IQCM: variants seen among roughly 807,000 people sequenced by gnomAD.
IQCM encodes IQ domain-containing protein M.
Under a neutral mutation model 57.6 loss-of-function variants are expected in IQCM, and 45 were observed. That is an observed-to-expected ratio of 0.78 (90% CI 0.62 to 1.00). The LOEUF (loss-of-function observed/expected upper bound fraction) is 1.00. Ranked by LOEUF, IQCM falls within the 50% of genes least tolerant of loss-of-function variation. The pLI is 0.00. For missense variants in IQCM, 468 were observed against 511.6 expected (o/e 0.91, Z 0.82); for synonymous variants, 148 against 158.9 (o/e 0.93, Z 0.51).
In IQCM at chr4:149,509,138, A is replaced by G. The variant is rs565961143; in HGVS notation, c.1228+39317T>C. On this transcript the variant is annotated intron_variant, in intron 12 of 13. Transcript: ENST00000636793. ...TTATCAGCAGAGTGAAAACAGACTAATATACCAGCCTTCCCTTCATCATCC... is the reference window on the plus strand; with the variant it reads ...TTATCAGCAGAGTGAAAACAGACTAGTATACCAGCCTTCCCTTCATCATCC... 6.6e-5 allele frequency among the ~76,000 whole-genome samples: 10 copies of G among 152,298 alleles called. No homozygotes were observed. The South Asian group carries it at 2.1e-3, about 32-fold the overall frequency.
intron 5 of IQCM, among the ~76,000 whole-genome samples, chr4:149,700,003 T>C (rs1225544330): frequency 6.6e-6 from 1 of 151,958 alleles, no homozygotes; most frequent in East Asian, 1.9e-4. Flanking sequence ...AATCCAGTGT[T>C]CCTTTTTTGT....
chr4:149,490,784 T>A lies in IQCM; in HGVS notation c.1229-57227A>T, dbSNP rs866900647. On this transcript the variant is annotated intron_variant, in intron 12 of 13. Transcript: ENST00000636793. ...GAAAATTTCATTCTTTAACAAAATATTACCTACTTCTAATAATGCATATGA... is the reference window on the plus strand; with the variant it reads ...GAAAATTTCATTCTTTAACAAAATAATACCTACTTCTAATAATGCATATGA... 4.6e-5 allele frequency among the ~76,000 whole-genome samples: 7 copies of A among 152,174 alleles called. No individual in the cohort carries two copies. The South Asian group carries it at 1.5e-3, about 32-fold the overall frequency.
chr4:149,646,390 G>C (rs1758640751), intron 7 of IQCM, among the ~76,000 whole-genome samples: 1 of 150,886 alleles, frequency 6.6e-6, no homozygotes, highest in Non-Finnish European at 1.5e-5. Context: ...AAGTCAGTTG[G>C]GTACAGCATA....
At chr4:149,662,573 T>C (rs1419786715) in intron 7 of IQCM, among the ~76,000 whole-genome samples, 3 of 152,038 alleles carry the variant, frequency 2.0e-5, no homozygotes, top group East Asian at 1.9e-4. Context: ...ATAATATTTA[T>C]ATATTTAGGA....
chr4:149,383,207 T>C (rs910133715), intron 13 of IQCM, among the ~76,000 whole-genome samples: 2 of 152,196 alleles, frequency 1.3e-5, no homozygotes, highest in African/African-American at 4.8e-5. Context: ...CATTGCCATA[T>C]GTAGACACTT....
Position 149,368,753 on chromosome 4 carries a change from CAT to C in IQCM, c.1391-16689_1391-16688del, listed in dbSNP as rs1491335392. Reference sequence around the variant, plus strand: ...GTGAAAGGCACAAATTATATATATACATGTATATATATATATACATATATATA... The same window carrying C: ...GTGAAAGGCACAAATTATATATATACGTATATATATATATACATATATATA... On this transcript the variant is annotated intron_variant, in intron 13 of 13. Transcript: ENST00000636793. Among the ~76,000 whole-genome samples the C allele has an allele frequency of 9.2e-5, 9 of 98,246 alleles. 1 individual carries two copies. The East Asian group carries it at 9.5e-4, about 10-fold the overall frequency. The allele number at this position is 98,246 out of a possible 152,430, so 64.5% of individuals were successfully genotyped here.
At chr4:149,473,055 A>C (rs1425170831) in intron 12 of IQCM, among the ~76,000 whole-genome samples, 1 of 152,244 alleles carries the variant, frequency 6.6e-6, no homozygotes, top group Non-Finnish European at 1.5e-5. Flanking sequence ...TTCAGCACAT[A>C]GGCATGGGCA....
At chr4:149,778,324 G>A (rs1197621107) in intron 2 of IQCM, among the ~76,000 whole-genome samples, 2 of 151,864 alleles carry the variant, frequency 1.3e-5, no homozygotes, top group African/African-American at 2.4e-5. Flanking sequence ...TGCAGTGAGC[G>A]GAGATGGCGC....
At chr4:149,555,431 T>C (rs989816818) in intron 10 of IQCM, among the ~76,000 whole-genome samples, 2 of 152,152 alleles carry the variant, frequency 1.3e-5, no homozygotes, top group East Asian at 3.9e-4. Flanking sequence ...AAACAAATAA[T>C]GCTTTTAAGA....
rs1739322411 is a variant in IQCM, at chr4:149,469,936, C to CA, written c.1229-36380dup. On this transcript the variant is annotated intron_variant, in intron 12 of 13. Transcript: ENST00000636793. The stretch of plus-strand genomic sequence containing the variant: ...ACAAACAAAGGCTGAGAGATTTTGT[C>CA]ACCACCAGGCCTGCCTTACAAGAGC... Among the ~76,000 whole-genome samples, 3 of 152,252 alleles carry CA rather than the reference C, an allele frequency of 2.0e-5. No individual in the cohort carries two copies. The South Asian group carries it at 6.2e-4, about 32-fold the overall frequency.
chr4:149,802,872 A>G (rs1422392019), intron 2 of IQCM, among the ~76,000 whole-genome samples: 2 of 151,974 alleles, frequency 1.3e-5, no homozygotes. Context: ...TACAGAAGAC[A>G]CTCGGAAAAA....
At chr4:149,411,791 A>G (rs13140037) in intron 13 of IQCM, among the ~76,000 whole-genome samples, 2 of 152,182 alleles carry the variant, frequency 1.3e-5, no homozygotes, top group Non-Finnish European at 2.9e-5. Context: ...TTCAATCAAC[A>G]CAATACTGTT....
chr4:149,723,739 T>C (rs1765648523), intron 5 of IQCM, among the ~76,000 whole-genome samples: 2 of 152,052 alleles, frequency 1.3e-5, no homozygotes, highest in South Asian at 4.1e-4. Flanking sequence ...CATATCAGTC[T>C]GTAGTTTTGT....
intron 2 of IQCM, among the ~76,000 whole-genome samples, chr4:149,807,471 G>A (rs2174487): frequency 0.13 from 20,184 of 151,964 alleles, 1,426 homozygotes; most frequent in East Asian, 0.21. Flanking sequence ...ACTGAAACTA[G>A]AAACTATGAG....
At chr4:149,693,762 T>C (rs189108709) in intron 5 of IQCM, among the ~76,000 whole-genome samples, 1 of 152,250 alleles carries the variant, frequency 6.6e-6, no homozygotes, top group Non-Finnish European at 1.5e-5. Context: ...ACTCCTATTT[T>C]ATATACCATT....
intron 13 of IQCM, among the ~76,000 whole-genome samples, chr4:149,357,347 T>A (rs1729077900): frequency 1.3e-5 from 2 of 152,180 alleles, no homozygotes; most frequent in South Asian, 4.1e-4. Flanking sequence ...ATGCTTCCAG[T>A]TTTTGTCCAT....
intron 2 of IQCM, among the ~76,000 whole-genome samples, chr4:149,747,447 A>T (rs931642294): frequency 6.6e-6 from 1 of 152,196 alleles, no homozygotes; most frequent in African/African-American, 2.4e-5. Flanking sequence ...TGCAATGTAA[A>T]TGCTATGCAA....
chr4:149,798,536 T>C (rs1773319418), intron 2 of IQCM, among the ~76,000 whole-genome samples: 2 of 151,896 alleles, frequency 1.3e-5, no homozygotes, highest in African/African-American at 4.8e-5. Flanking sequence ...AACTCTCCAA[T>C]CAAAAGACAG....
At chr4:149,634,579 A>G (rs1757565197) in intron 7 of IQCM, among the ~76,000 whole-genome samples, 1 of 152,192 alleles carries the variant, frequency 6.6e-6, no homozygotes, top group Non-Finnish European at 1.5e-5. Flanking sequence ...TCCTTAGTCA[A>G]CACTTCTTTG....
Sources: gnomAD v4.1 joint callset for allele counts (sites outside exome capture counted in the v4.1 genomes callset) on GRCh38, gnomAD v4.1.1 for gene constraint, MANE v1.5 for transcripts, NCBI Gene and HGNC (gene_info 2026-07-23, HGNC 2026-07-21) for gene names.